The following SUGCT variants were observed in gnomAD, a reference collection of about 807,000 sequenced individuals.
SUGCT encodes the protein succinyl-CoA:glutarate-CoA transferase, also known as succinyl-CoA:glutarate CoA-transferase.
Under a neutral mutation model 55.0 loss-of-function variants are expected in SUGCT, and 41 were observed. The observed-to-expected ratio is 0.74, with a 90% CI of 0.58 to 0.97. The LOEUF is 0.97. SUGCT is among the 50% of genes least tolerant of loss of function. The probability of loss-of-function intolerance (pLI) is 0.00; values close to 1 mark genes in which losing one functional copy is unlikely to be tolerated. For missense variants in SUGCT, 568 were observed against 547.8 expected (o/e 1.04, Z -0.37); for synonymous variants, 187 against 200.4 (o/e 0.93, Z 0.56).
At chr7:40,773,763 G>C (rs1424714867) in intron 13 of SUGCT, among the ~76,000 whole-genome samples, 1 of 152,068 alleles carries the variant, frequency 6.6e-6, no homozygotes, top group African/African-American at 2.4e-5. Context: ...GGAAAATTAA[G>C]GTGTGCACCC....
intron 12 of SUGCT, among the ~76,000 whole-genome samples, chr7:40,655,308 A>C (rs1211133620): frequency 6.6e-6 from 1 of 152,120 alleles, no homozygotes; most frequent in Non-Finnish European, 1.5e-5. Context: ...AAAAATTAAA[A>C]ATTAAAAAAA....
intron 12 of SUGCT, among the ~76,000 whole-genome samples, chr7:40,646,103 C>G (rs1800494218): frequency 6.6e-6 from 1 of 152,190 alleles, no homozygotes; most frequent in African/African-American, 2.4e-5. Flanking sequence ...CACCAGCCAG[C>G]CATTTGCTCA....
chr7:40,502,017 A>G (rs1792306924), intron 12 of SUGCT, among the ~76,000 whole-genome samples: 1 of 152,068 alleles, frequency 6.6e-6, no homozygotes, highest in African/African-American at 2.4e-5. Flanking sequence ...ATTTCTTCTT[A>G]ATGACTAAGA....
chr7:40,963,169 T>C, the SUGCT span, among the ~76,000 whole-genome samples: 1 of 152,222 alleles, frequency 6.6e-6, no homozygotes, highest in Non-Finnish European at 1.5e-5. Flanking sequence ...GTATTATGCT[T>C]ATTCTTTTCA....
chr7:40,749,659 T>C (rs938491102), intron 13 of SUGCT, among the ~76,000 whole-genome samples, 162 bp downstream of exon 13: 2 of 152,192 alleles, frequency 1.3e-5, no homozygotes, highest in Non-Finnish European at 2.9e-5. Flanking sequence ...CTCACAAAAA[T>C]GTATGCTGAG....
intron 12 of SUGCT, among the ~76,000 whole-genome samples, chr7:40,688,441 A>G (rs1784556084): frequency 6.6e-6 from 1 of 152,170 alleles, no homozygotes; most frequent in Non-Finnish European, 1.5e-5. Context: ...TTGAAATTAT[A>G]TTTGTCGCTA....
the SUGCT span, among the ~76,000 whole-genome samples, chr7:41,014,988 A>AC: frequency 2.0e-5 from 3 of 152,190 alleles, no homozygotes; most frequent in African/African-American, 7.2e-5. Context: ...ATTACCTGAG[A>AC]ATTATGATCT....
At chr7:40,932,599 T>A in the SUGCT span, among the ~76,000 whole-genome samples, 2 of 152,310 alleles carry the variant, frequency 1.3e-5, no homozygotes, top group South Asian at 4.2e-4. Context: ...TTTATGAATC[T>A]GGGTGCTCCT....
At chr7:40,501,493 T>C (rs7789681) in intron 12 of SUGCT, among the ~76,000 whole-genome samples, 45,806 of 152,006 alleles carry the variant, frequency 0.3, 9,414 homozygotes, top group African/African-American at 0.58. Flanking sequence ...TATAACATTA[T>C]GGGCATTTTA....
At chr7:40,736,016 A>C (rs949130597) in intron 12 of SUGCT, among the ~76,000 whole-genome samples, 1 of 151,912 alleles carries the variant, frequency 6.6e-6, no homozygotes, top group African/African-American at 2.4e-5. Flanking sequence ...ATTAAATGGT[A>C]GATTAGATAG....
chr7:40,391,725 G>A (rs537869290), intron 9 of SUGCT, among the ~76,000 whole-genome samples: 9 of 152,318 alleles, frequency 5.9e-5, no homozygotes, highest in African/African-American at 2.2e-4. Context: ...AGACAGTGTG[G>A]TGATTCCTCA....
At position 40,354,470 on chromosome 7, in the gene SUGCT, C is replaced by T. The variant is rs150469883; in HGVS notation, c.816+37615C>T. Among the ~76,000 whole-genome samples, 613 of 152,310 alleles carry T rather than the reference C, an allele frequency of 4.0e-3. 4 individuals carry two copies. The highest frequency in any genetic ancestry group is 0.013 in the African/African-American group (560 of 41,570). ...TGTGGTCATGGAAGGACCTACCTGGCTGCTTCTTGAGATACAGTGCCCACA... is the reference window on the plus strand; with the variant it reads ...TGTGGTCATGGAAGGACCTACCTGGTTGCTTCTTGAGATACAGTGCCCACA... On this transcript the variant is annotated intron_variant, in intron 9 of 13. Transcript: ENST00000335693.
chr7:40,625,272 C>T (rs1799473938), intron 12 of SUGCT, among the ~76,000 whole-genome samples: 2 of 152,026 alleles, frequency 1.3e-5, no homozygotes, highest in African/African-American at 4.8e-5. Flanking sequence ...ACACGCAACC[C>T]CCTTCATCCC....
intron 12 of SUGCT, among the ~76,000 whole-genome samples, chr7:40,518,222 G>A (rs1160286235): frequency 6.6e-6 from 1 of 152,122 alleles, no homozygotes; most frequent in Non-Finnish European, 1.5e-5. Context: ...AAATGGGTAG[G>A]GAAGAAAGAG....
chr7:40,422,968 C>A (rs1452870151), intron 9 of SUGCT, among the ~76,000 whole-genome samples: 1 of 152,024 alleles, frequency 6.6e-6, no homozygotes, highest in Non-Finnish European at 1.5e-5. Context: ...AATTTAAGTG[C>A]TACTTGCTCA....
In SUGCT at chr7:40,464,737, G is replaced by T. The variant is rs115684844; in HGVS notation, c.986+5539G>T. ...CTGTAGTCCCAGCTACTTTGGGAAA[G>T]AAACCATCCTGTGAATTTGGATCTT... On this transcript the variant is annotated intron_variant, in intron 11 of 13. Transcript: ENST00000335693. Among the ~76,000 whole-genome samples the T allele has an allele frequency of 7.3e-3, 1,119 of 152,304 alleles. 10 individuals carry two copies. Among genetic ancestry groups the T allele is most frequent in the African/African-American group, 0.024 (999 of 41,566 alleles).
intron 9 of SUGCT, among the ~76,000 whole-genome samples, chr7:40,414,127 G>A (rs770368809): frequency 1.3e-5 from 2 of 152,144 alleles, no homozygotes; most frequent in African/African-American, 2.4e-5. Flanking sequence ...TATCAGGAAT[G>A]AGATTGCTAT....
chr7:40,567,230 T>C (rs1313346394), intron 12 of SUGCT, among the ~76,000 whole-genome samples: 1 of 152,268 alleles, frequency 6.6e-6, no homozygotes, highest in Non-Finnish European at 1.5e-5. Flanking sequence ...TTTGAACCAG[T>C]GCTTAAAGCA....
chr7:40,424,980 G>A (rs970659264), intron 9 of SUGCT, among the ~76,000 whole-genome samples: 7 of 152,122 alleles, frequency 4.6e-5, no homozygotes, highest in Non-Finnish European at 8.8e-5. Context: ...GAGTGGGTAC[G>A]TAAGGACCCC....
Sources: allele counts gnomAD v4.1 joint callset (sites outside exome capture counted in the v4.1 genomes callset), GRCh38; gene constraint gnomAD v4.1.1; transcripts MANE v1.5; gene names NCBI Gene and HGNC (gene_info 2026-07-23, HGNC 2026-07-21).